The following CD8A variants were observed in gnomAD, a reference collection of about 807,000 sequenced individuals.
The protein encoded by CD8A is CD8 subunit alpha.
Under a neutral mutation model 24.2 loss-of-function variants are expected in CD8A, and 25 were observed. The observed-to-expected ratio is 1.03, with a 90% CI of 0.75 to 1.44. The LOEUF (loss-of-function observed/expected upper bound fraction) is 1.44. Among genes scored for constraint, CD8A ranks in the 40% most tolerant of loss-of-function variants. The pLI is 0.00. For synonymous variants in CD8A, 165 were observed against 149.9 expected (o/e 1.10, Z -0.74); for missense variants, 360 against 319.7 (o/e 1.13, Z -0.96).
intron 2 of CD8A, among the ~76,000 whole-genome samples, chr2:86,805,938 T>C (rs1170954929): frequency 1.3e-5 from 2 of 152,016 alleles, no homozygotes; most frequent in African/African-American, 2.4e-5. Flanking sequence ...TTTCTCTCTC[T>C]CTCTTTCTTT....
At chr2:86,794,168 A>T (rs1673402881), upstream of CD8A, among the ~76,000 whole-genome samples, 1 of 152,220 alleles carries the variant, frequency 6.6e-6, no homozygotes, top group South Asian at 2.1e-4. Flanking sequence ...GCATGAAGAA[A>T]TGTGAATGAC....
chr2:86,791,623 G>T (rs774291179), upstream of CD8A: 1 of 454,120 alleles, frequency 2.2e-6, no homozygotes, highest in South Asian at 1.6e-5. Context: ...CTCACAAAGG[G>T]GATCTGACAG....
At chr2:86,787,232 A>G (rs1191412545) in intron 5 of CD8A, among the ~76,000 whole-genome samples, 1 of 151,414 alleles carries the variant, frequency 6.6e-6, no homozygotes, top group Non-Finnish European at 1.5e-5. Context: ...ATAGGCATGC[A>G]CCACAATACC....
At position 86,789,239 on chromosome 2, in the gene CD8A, C is replaced by A. The variant is rs10175902; in HGVS notation, c.625+84G>T. 8.5e-5 allele frequency: 77 copies of A among 902,800 alleles called. No individual in the cohort carries two copies. The highest frequency in any genetic ancestry group is 1.2e-4 in the Non-Finnish European group (64 of 530,964). 55.9% of individuals were successfully genotyped at this position (902,800 alleles called of 1,614,324 possible). The stretch of plus-strand genomic sequence containing the variant: ...CCAGAAAACTCAACCCCAAGCTCCC[C>A]CCTCGCAAGGTCCGCCTGGAGCTAG... On this transcript the variant is annotated intron_variant, in intron 4 of 5. Coordinates refer to ENST00000283635, the MANE Select transcript of CD8A (RefSeq NM_001768.7).
chr2:86,799,927 G>A (rs62146072), intron 3 of CD8A, among the ~76,000 whole-genome samples: 2 of 149,368 alleles, frequency 1.3e-5, no homozygotes, highest in African/African-American at 2.5e-5. Flanking sequence ...GATTACAAAA[G>A]GAATCAGAAT....
Position 86,785,081 on chromosome 2 carries a change from T to C in CD8A, c.*839A>G. 1 of 454,116 alleles carries C rather than the reference T, an allele frequency of 2.2e-6. No individual in the cohort carries two copies. Among genetic ancestry groups the C allele is most frequent in the Non-Finnish European group, 4.4e-6 (1 of 226,790 alleles). 28.1% of individuals were successfully genotyped at this position (454,116 alleles called of 1,614,324 possible). On this transcript the variant is annotated 3_prime_UTR_variant, in exon 6 of 6. Coordinates refer to ENST00000283635, the MANE Select transcript of CD8A (RefSeq NM_001768.7). ...GAGGGCCTTAGTTTAACCTCACTGA[T>C]GCTCAAATTCTATTTGTAAAGGGGT...
At chr2:86,792,062 G>A (rs1379272639), upstream of CD8A, among the ~76,000 whole-genome samples, 1 of 152,070 alleles carries the variant, frequency 6.6e-6, no homozygotes, top group Non-Finnish European at 1.5e-5. Flanking sequence ...AAAAAAGACT[G>A]GAGTCTCGCT....
At chr2:86,796,071 A>T (rs977808216) in intron 3 of CD8A, among the ~76,000 whole-genome samples, 1 of 152,246 alleles carries the variant, frequency 6.6e-6, no homozygotes, top group African/African-American at 2.4e-5. Flanking sequence ...AGCATACTGG[A>T]AATGAACACT....
At chr2:86,808,187 G>A (rs1006071080) in exon 1 of CD8A, 3 of 152,338 alleles carry the variant, frequency 2.0e-5, no homozygotes, top group African/African-American at 4.8e-5. Flanking sequence ...CCAGGAAACC[G>A]CGGCTCCTGA....
At chr2:86,787,896 AGAGT>A (rs1673084146) in intron 5 of CD8A, among the ~76,000 whole-genome samples, 1 of 123,826 alleles carries the variant, frequency 8.1e-6, no homozygotes, top group South Asian at 2.3e-4. Context: ...AGAGAGAGAG[AGAGT>A]GTGTGTGTGT....
Position 86,785,438 on chromosome 2 carries a change from G to A in CD8A, c.*482C>T, listed in dbSNP as rs970710092. The A allele has an allele frequency of 4.4e-6, 2 of 455,148 alleles. No homozygotes were observed. Among genetic ancestry groups the A allele is most frequent in the Non-Finnish European group, 8.8e-6 (2 of 227,682 alleles). 28.2% of individuals were successfully genotyped at this position (455,148 alleles called of 1,614,324 possible). On this transcript the variant is annotated 3_prime_UTR_variant, in exon 6 of 6. Coordinates refer to ENST00000283635, the MANE Select transcript of CD8A (RefSeq NM_001768.7). Reference sequence around the variant, plus strand: ...ACTCAAGCACCTCACCCTGAGACAGGGGCCTCGGAAAGAAAGACCTGAATG... The same window carrying A: ...ACTCAAGCACCTCACCCTGAGACAGAGGCCTCGGAAAGAAAGACCTGAATG...
chr2:86,793,160 C>T (rs1164041814), upstream of CD8A, among the ~76,000 whole-genome samples: 2 of 152,146 alleles, frequency 1.3e-5, no homozygotes, highest in African/African-American at 2.4e-5. Flanking sequence ...AGAAGGAGAG[C>T]GTTCAGCAGA....
Position 86,785,941 on chromosome 2 carries a change from G to T in CD8A, c.687C>A (p.Ser229Arg), listed in dbSNP as rs199807314. 1.8e-4 allele frequency: 292 copies of T among 1,613,746 alleles called. No individual in the cohort carries two copies. The highest frequency in any genetic ancestry group is 2.4e-4 in the Non-Finnish European group (283 of 1,179,622). The change falls in exon 6 of 6, where the codon AGC (serine) becomes AGA (arginine). Residue 229 changes from serine to arginine, a missense_variant. Transcript: ENST00000283635. ...AGGGTTAGACGTATCTCGCCGAAAG[G>T]CTGGGCTTGTCTCCCGATTTGACCA... ...RPVVKSGDKPSLSARYV is the reference protein window; with the variant it reads ...RPVVKSGDKPRLSARYV
chr2:86,801,831 T>A (rs56003000), intron 2 of CD8A, among the ~76,000 whole-genome samples: 11,387 of 152,084 alleles, frequency 0.075, 456 homozygotes, highest in Non-Finnish European at 0.086. Context: ...ATAAAATAAA[T>A]CCTGTTATTT....
chr2:86,804,079 G>A (rs2104463874), intron 2 of CD8A, among the ~76,000 whole-genome samples: 1 of 152,274 alleles, frequency 6.6e-6, no homozygotes, highest in East Asian at 1.9e-4. Context: ...GGAAATAAAT[G>A]GGTAACTAAG....
chr2:86,800,834 G>C (rs1673648729), intron 3 of CD8A, among the ~76,000 whole-genome samples: 1 of 152,192 alleles, frequency 6.6e-6, no homozygotes, highest in South Asian at 2.1e-4. Context: ...TAGCATCTCA[G>C]AATGTGACCT....
At chr2:86,786,888 C>T (rs1573456812) in intron 5 of CD8A, among the ~76,000 whole-genome samples, 1 of 151,020 alleles carries the variant, frequency 6.6e-6, no homozygotes, top group East Asian at 2.0e-4. Flanking sequence ...GGTGTTGTGG[C>T]GGGTGCCTGT....
intron 5 of CD8A, 104 bp from the exon 6 acceptor site, chr2:86,786,075 A>C: frequency 1.1e-6 from 1 of 913,384 alleles, no homozygotes; most frequent in South Asian, 1.3e-5. Context: ...GAAAGGTCTG[A>C]GAACCTGTTC....
At chr2:86,794,162 G>A (rs997850067), upstream of CD8A, among the ~76,000 whole-genome samples, 14 of 152,178 alleles carry the variant, frequency 9.2e-5, no homozygotes, top group African/African-American at 4.8e-5. Flanking sequence ...GGGATGGCAT[G>A]AAGAAATGTG....
Sources: gnomAD v4.1 joint callset for allele counts (sites outside exome capture counted in the v4.1 genomes callset) on GRCh38, gnomAD v4.1.1 for gene constraint, MANE v1.5 for transcripts, NCBI Gene and HGNC (gene_info 2026-07-23, HGNC 2026-07-21) for gene names.